Variants in SOX5 observed in about 807,000 individuals in gnomAD.
SOX5 encodes the protein SRY-box transcription factor 5, also known as transcription factor SOX-5.
In SOX5, 9 loss-of-function variants were observed where a neutral mutation model predicts 92.0. The ratio of observed to expected loss-of-function variants is 0.10; its 90% CI spans 0.06 to 0.17. SOX5 has a LOEUF of 0.17. Among genes scored for constraint, SOX5 ranks in the 10% least tolerant of loss-of-function variants. The probability of loss-of-function intolerance (pLI) is 1.00; values close to 1 mark genes in which losing one functional copy is unlikely to be tolerated. For synonymous variants in SOX5, 344 were observed against 336.3 expected (o/e 1.02, Z -0.25); for missense variants, 642 against 944.5 (o/e 0.68, Z 4.20).
chr12:24,347,278 G>A (rs1953418872), intron 2 of SOX5, among the ~76,000 whole-genome samples: 1 of 152,154 alleles, frequency 6.6e-6, no homozygotes, highest in South Asian at 2.1e-4. Flanking sequence ...AAGTATAAGG[G>A]AGGACGTGCA....
intron 6 of SOX5, among the ~76,000 whole-genome samples, chr12:23,713,401 C>T (rs2092230965): frequency 6.6e-6 from 1 of 152,116 alleles, no homozygotes; most frequent in African/African-American, 2.4e-5. Flanking sequence ...AGGCCTACAG[C>T]ACTAATAACA....
intron 4 of SOX5, among the ~76,000 whole-genome samples, chr12:24,046,114 T>C (rs1433180659): frequency 1.3e-5 from 2 of 152,232 alleles, no homozygotes; most frequent in Non-Finnish European, 2.9e-5. Context: ...TCCTGACTAC[T>C]GGTGTTACTT....
At chr12:24,312,281 C>G (rs1258408020) in intron 2 of SOX5, among the ~76,000 whole-genome samples, 1 of 152,108 alleles carries the variant, frequency 6.6e-6, no homozygotes, top group African/African-American at 2.4e-5. Context: ...AAAAACACTC[C>G]AAGAGTTTCC....
At chr12:24,488,877 A>G (rs1218293361) in intron 1 of SOX5, among the ~76,000 whole-genome samples, 3 of 152,204 alleles carry the variant, frequency 2.0e-5, no homozygotes, top group Non-Finnish European at 2.9e-5. Context: ...AAAGCATCAC[A>G]AGTTAATTTT....
At chr12:24,009,452 C>A (rs1274938065) in intron 4 of SOX5, among the ~76,000 whole-genome samples, 3 of 151,968 alleles carry the variant, frequency 2.0e-5, no homozygotes, top group African/African-American at 7.3e-5. Flanking sequence ...GTAAAATGAA[C>A]AGAGTAGACT....
intron 1 of SOX5, among the ~76,000 whole-genome samples, chr12:24,417,272 G>A (rs961966427): frequency 6.6e-6 from 1 of 152,158 alleles, no homozygotes; most frequent in South Asian, 2.1e-4. Flanking sequence ...CCATTTCTTG[G>A]TTCTCCTATT....
intron 10 of SOX5, among the ~76,000 whole-genome samples, chr12:23,565,357 A>G (rs2136399371): frequency 1.3e-5 from 2 of 152,310 alleles, no homozygotes; most frequent in Middle Eastern, 3.4e-3. Flanking sequence ...ATGTTCATTT[A>G]GTAATATCTT....
In SOX5 at chr12:23,698,909, C is replaced by T. The variant is rs2140168651; in HGVS notation, c.811-33345G>A. ...CTTCCTGAAGATACAACCCTACCCTCTACATGTTACGAGTTCCTCCATTCT... is the reference window on the plus strand; with the variant it reads ...CTTCCTGAAGATACAACCCTACCCTTTACATGTTACGAGTTCCTCCATTCT... On this transcript the variant is annotated intron_variant, in intron 6 of 14. Coordinates refer to ENST00000451604, the MANE Select transcript of SOX5 (RefSeq NM_006940.6). Among the ~76,000 whole-genome samples, 2 of 152,278 alleles carry T rather than the reference C, an allele frequency of 1.3e-5. 1 individual carries two copies. Among genetic ancestry groups the T allele is most frequent in the East Asian group, 3.9e-4 (2 of 5,174 alleles).
At chr12:23,917,509 C>T (rs1323812620) in intron 1 of SOX5, among the ~76,000 whole-genome samples, 1 of 152,250 alleles carries the variant, frequency 6.6e-6, no homozygotes, top group African/African-American at 2.4e-5. Context: ...GCTAAGATTG[C>T]ACCACTGCAC....
chr12:23,685,634 C>T lies in SOX5; in HGVS notation c.811-20070G>A, dbSNP rs1047017351. Among the ~76,000 whole-genome samples the T allele has an allele frequency of 4.8e-5, 7 of 146,802 alleles. No individual in the cohort carries two copies. In the South Asian group the frequency reaches 1.2e-3, roughly 25 times the overall value. ...GCTCTAAAAATCCTTTTTGTCCCCC[C>T]CCCCAAAAATCTAATACAGAACCCT... On this transcript the variant is annotated intron_variant, in intron 6 of 14. Coordinates refer to ENST00000451604, the MANE Select transcript of SOX5 (RefSeq NM_006940.6).
intron 3 of SOX5, among the ~76,000 whole-genome samples, chr12:23,765,763 T>C (rs2094705923): frequency 6.6e-6 from 1 of 152,162 alleles, no homozygotes; most frequent in African/African-American, 2.4e-5. Flanking sequence ...ATCTTCTTTA[T>C]TTTGCACAGT....
Position 23,874,395 on chromosome 12 carries a change from A to G in SOX5, c.270+21398T>C, listed in dbSNP as rs1376022168. ...AGGCAATCAAGTTTAGCGACGCACC[A>G]TACGCAGACCACCGCAACCTTGGTG... On this transcript the variant is annotated intron_variant, in intron 2 of 14. Transcript: ENST00000451604. Among the ~76,000 whole-genome samples, 4 of 152,334 alleles carry G rather than the reference A, an allele frequency of 2.6e-5. No homozygotes were observed. In the East Asian group the frequency reaches 7.7e-4, roughly 29 times the overall value.
At chr12:24,484,461 C>T (rs1440457270) in intron 1 of SOX5, among the ~76,000 whole-genome samples, 3 of 152,134 alleles carry the variant, frequency 2.0e-5, no homozygotes, top group Non-Finnish European at 2.9e-5. Context: ...AGGAACACTG[C>T]ATTTGTTGCT....
At chr12:24,040,815 G>A (rs1337772083) in intron 4 of SOX5, among the ~76,000 whole-genome samples, 1 of 152,122 alleles carries the variant, frequency 6.6e-6, no homozygotes, top group African/African-American at 2.4e-5. Context: ...GGAGCGTGCA[G>A]TGAGCCGAGA....
At chr12:23,888,899 C>T (rs1011347093) in intron 2 of SOX5, among the ~76,000 whole-genome samples, 4 of 152,096 alleles carry the variant, frequency 2.6e-5, no homozygotes, top group Admixed American at 6.5e-5. Flanking sequence ...ATTGAATTAG[C>T]CTTGTTCAGA....
chr12:24,451,697 C>T (rs1327353445), intron 1 of SOX5, among the ~76,000 whole-genome samples: 1 of 152,076 alleles, frequency 6.6e-6, no homozygotes, highest in Non-Finnish European at 1.5e-5. Context: ...TCATTTTAAC[C>T]TGGGCTCTAA....
At chr12:24,187,641 G>A (rs1956143755) in intron 4 of SOX5, among the ~76,000 whole-genome samples, 1 of 151,764 alleles carries the variant, frequency 6.6e-6, no homozygotes, top group Non-Finnish European at 1.5e-5. Flanking sequence ...ACAATTATTT[G>A]GACACTCTTT....
rs549515313 is a variant in SOX5, at chr12:24,375,206, C to T, written c.-250-6567G>A. 3.3e-5 allele frequency among the ~76,000 whole-genome samples: 5 copies of T among 151,448 alleles called. No individual in the cohort carries two copies. The South Asian group carries it at 1.0e-3, about 32-fold the overall frequency. On this transcript the variant is annotated intron_variant, in intron 1 of 4. Transcript: ENST00000446891. The stretch of plus-strand genomic sequence containing the variant: ...GCCAGGATGGTCTCGATCACCTGAC[C>T]TCGTGATCCACCCGCCTCAGCCTCC...
In SOX5 at chr12:24,428,726, C is replaced by CAAAAAAAA. The variant is rs57964050; in HGVS notation, c.-250-60095_-250-60088dup. 5.7e-3 allele frequency among the ~76,000 whole-genome samples: 186 copies of CAAAAAAAA among 32,598 alleles called. 44 individuals carry two copies. The highest frequency in any genetic ancestry group is 0.01 in the African/African-American group (82 of 7,966). 21.4% of individuals were successfully genotyped at this position (32,598 alleles called of 152,430 possible). On this transcript the variant is annotated intron_variant, in intron 1 of 4. Transcript: ENST00000446891. ...GGCAACAGAGTGAGACTCTGTTTCT[C>CAAAAAAAA]AAAAAAAAAAAAAAAAAAAAAAAAA...
Sources: gnomAD v4.1 joint callset for allele counts (sites outside exome capture counted in the v4.1 genomes callset) on GRCh38, gnomAD v4.1.1 for gene constraint, MANE v1.5 for transcripts, NCBI Gene and HGNC (gene_info 2026-07-23, HGNC 2026-07-21) for gene names.